Variants in MDFIC2 observed in about 807,000 individuals in gnomAD.
MDFIC2 encodes the protein MyoD family inhibitor domain containing 2, also known as myoD family inhibitor domain-containing protein 2.
intron 3 of MDFIC2, 53 bp downstream of exon 3, chr3:70,206,516 G>A: frequency 5.0e-6 from 2 of 396,998 alleles, no homozygotes; most frequent in East Asian, 3.6e-5. Flanking sequence ...ATTTTACAGG[G>A]GATGGGGGTT....
chr3:70,214,751 C>G (rs185227754), intron 2 of MDFIC2, among the ~76,000 whole-genome samples: 103 of 152,050 alleles, frequency 6.8e-4, no homozygotes, highest in Non-Finnish European at 1.2e-3. Flanking sequence ...CAATTGACTC[C>G]TAAGAGATAG....
intron 2 of MDFIC2, chr3:70,249,728 A>G (rs964298549): frequency 2.6e-5 from 4 of 152,298 alleles, no homozygotes; most frequent in African/African-American, 9.6e-5. Flanking sequence ...TTGATGAGAC[A>G]TTAGTATGGC....
intron 2 of MDFIC2, among the ~76,000 whole-genome samples, chr3:70,221,099 A>T (rs1211870360): frequency 6.6e-6 from 1 of 152,154 alleles, no homozygotes; most frequent in East Asian, 1.9e-4. Flanking sequence ...CAGATGAGAA[A>T]TTTTCAGACG....
intron 2 of MDFIC2, among the ~76,000 whole-genome samples, chr3:70,302,103 T>C (rs1559558508): frequency 6.6e-6 from 1 of 152,156 alleles, no homozygotes; most frequent in Non-Finnish European, 1.5e-5. Flanking sequence ...TTTCTTGAAG[T>C]TATACGCTGG....
chr3:70,236,333 A>G (rs149730533), intron 2 of MDFIC2, among the ~76,000 whole-genome samples: 1 of 152,280 alleles, frequency 6.6e-6, no homozygotes, highest in Non-Finnish European at 1.5e-5. Flanking sequence ...CCCTTAATCC[A>G]TATTGTTCAC....
chr3:70,253,981 C>G (rs919330734), intron 2 of MDFIC2, among the ~76,000 whole-genome samples: 1 of 151,978 alleles, frequency 6.6e-6, no homozygotes, highest in Non-Finnish European at 1.5e-5. Context: ...ATAGCTAGCT[C>G]AGAAGATTCA....
At chr3:70,212,181 G>T (rs1299136580) in intron 2 of MDFIC2, among the ~76,000 whole-genome samples, 4 of 152,118 alleles carry the variant, frequency 2.6e-5, no homozygotes, top group Non-Finnish European at 5.9e-5. Context: ...TCCTGGCACT[G>T]CGCTAACCAC....
chr3:70,231,769 C>A (rs1399922265), intron 2 of MDFIC2, among the ~76,000 whole-genome samples: 2 of 152,106 alleles, frequency 1.3e-5, no homozygotes, highest in African/African-American at 4.8e-5. Flanking sequence ...CCCACGACTG[C>A]CCCCTTGCCC....
intron 2 of MDFIC2, among the ~76,000 whole-genome samples, chr3:70,251,828 C>T (rs1241747808): frequency 6.6e-6 from 1 of 152,136 alleles, no homozygotes; most frequent in Non-Finnish European, 1.5e-5. Flanking sequence ...TTCAGATTAG[C>T]CAAACTGCAG....
intron 3 of MDFIC2, among the ~76,000 whole-genome samples, chr3:70,200,430 A>G (rs1003252867): frequency 6.6e-6 from 1 of 152,140 alleles, no homozygotes; most frequent in South Asian, 2.1e-4. Context: ...CACACTGACT[A>G]AATTGCAGTA....
At chr3:70,224,746 G>T (rs1373194838) in intron 2 of MDFIC2, among the ~76,000 whole-genome samples, 2 of 151,812 alleles carry the variant, frequency 1.3e-5, no homozygotes, top group South Asian at 2.1e-4. Flanking sequence ...TAACCATTGC[G>T]CTCGGCAAAA....
intron 2 of MDFIC2, among the ~76,000 whole-genome samples, chr3:70,306,560 T>C (rs1702402816): frequency 6.6e-6 from 1 of 152,186 alleles, no homozygotes; most frequent in South Asian, 2.1e-4. Flanking sequence ...AAAGCTTGTT[T>C]ATTGCCCATT....
intron 2 of MDFIC2, among the ~76,000 whole-genome samples, chr3:70,274,766 A>G (rs1406428038): frequency 6.6e-6 from 1 of 152,196 alleles, no homozygotes; most frequent in African/African-American, 2.4e-5. Context: ...AAACAAATAT[A>G]AAAATATTTT....
At chr3:70,302,487 GTTGA>G (rs1702359480) in intron 2 of MDFIC2, 1 of 152,018 alleles carries the variant, frequency 6.6e-6, no homozygotes, top group African/African-American at 2.4e-5. Flanking sequence ...TTATACTAAT[GTTGA>G]TTAAGTGTAT....
intron 2 of MDFIC2, among the ~76,000 whole-genome samples, chr3:70,244,449 C>T (rs185984468): frequency 5.9e-5 from 9 of 152,172 alleles, no homozygotes; most frequent in Admixed American, 2.6e-4. Context: ...TGTAAAGGAA[C>T]GGAGTAATCA....
intron 2 of MDFIC2, among the ~76,000 whole-genome samples, chr3:70,289,879 C>A (rs201551328): frequency 6.6e-6 from 1 of 151,776 alleles, no homozygotes; most frequent in South Asian, 2.1e-4. Context: ...GCATTCTTCA[C>A]GTAGTTCTCG....
In MDFIC2 at chr3:70,196,126, GAAGA is replaced by G. The variant is rs1253430125; in HGVS notation, c.*796_*799del. ...CTTATTGTACCTGACAAATAAAAAT[GAAGA>G]AAGTGAAGAATTGAGATTTTTTTGA... On this transcript the variant is annotated 3_prime_UTR_variant, in exon 4 of 4. Transcript: ENST00000567252. Among the ~76,000 whole-genome samples, 1 of 152,156 alleles carries G rather than the reference GAAGA, an allele frequency of 6.6e-6. No individual in the cohort carries two copies. The highest frequency in any genetic ancestry group is 1.5e-5 in the Non-Finnish European group (1 of 68,018).
chr3:70,285,554 G>C (rs1431026593), intron 2 of MDFIC2, among the ~76,000 whole-genome samples: 7 of 150,666 alleles, frequency 4.6e-5, no homozygotes, highest in Admixed American at 6.6e-5. Context: ...ATGATTTATA[G>C]TCCTTTGGGT....
chr3:70,221,029 T>C (rs1029420555), intron 2 of MDFIC2, among the ~76,000 whole-genome samples: 7 of 152,178 alleles, frequency 4.6e-5, no homozygotes, highest in African/African-American at 1.7e-4. Flanking sequence ...ATTTGCTTTT[T>C]CCCATATTAT....
Sources: gnomAD v4.1 joint callset for allele counts (sites outside exome capture counted in the v4.1 genomes callset) on GRCh38, gnomAD v4.1.1 for gene constraint, MANE v1.5 for transcripts, NCBI Gene and HGNC (gene_info 2026-07-23, HGNC 2026-07-21) for gene names.